PCDHA10: variants seen among roughly 807,000 people sequenced by gnomAD.
The protein encoded by PCDHA10 is protocadherin alpha 10, also known as protocadherin alpha-10.
Under a neutral mutation model 61.2 loss-of-function variants are expected in PCDHA10, and 45 were observed. That is an observed-to-expected ratio of 0.74 (90% CI 0.58 to 0.94). The LOEUF (loss-of-function observed/expected upper bound fraction) is 0.94. Among genes scored for constraint, PCDHA10 ranks in the 40% least tolerant of loss-of-function variants. PCDHA10 has a pLI of 0.00. For synonymous variants in PCDHA10, 602 were observed against 548.8 expected, an observed-to-expected ratio of 1.10 and a Z score of -1.35; for missense variants, 1,278 against 1,236.2, an observed-to-expected ratio of 1.03 and a Z score of -0.51.
intron 1 of PCDHA10, among the ~76,000 whole-genome samples, chr5:140,961,914 C>T (rs192184): frequency 0.56 from 84,843 of 150,390 alleles, 24,472 homozygotes; most frequent in African/African-American, 0.69. Context: ...GATGGAGTCT[C>T]GCTCTGTTGC....
chr5:140,863,075 CG>C (rs2047768391), intron 1 of PCDHA10: 1 of 569,530 alleles, frequency 1.8e-6, no homozygotes, highest in South Asian at 1.4e-5. Context: ...GGGCTCTGCA[CG>C]GGCGAGATCA....
intron 1 of PCDHA10, chr5:140,868,045 A>G (rs1452350688): frequency 3.3e-5 from 5 of 152,130 alleles, no homozygotes; most frequent in African/African-American, 1.2e-4. Flanking sequence ...GGAAATACCA[A>G]TATGGCACAA....
intron 1 of PCDHA10, among the ~76,000 whole-genome samples, chr5:140,891,452 T>C (rs1554184844): frequency 6.7e-6 from 1 of 150,254 alleles, no homozygotes; most frequent in African/African-American, 2.4e-5. Flanking sequence ...ATAGGATTTT[T>C]GAATTTGTGA....
chr5:140,860,904 A>ATT (rs369143047), intron 1 of PCDHA10: 1 of 152,182 alleles, frequency 6.6e-6, no homozygotes, highest in African/African-American at 2.4e-5. Context: ...CGCCAGGCTA[A>ATT]TTTTTTGTAT....
intron 1 of PCDHA10, among the ~76,000 whole-genome samples, chr5:140,912,788 A>G (rs1467959281): frequency 6.6e-6 from 1 of 152,104 alleles, no homozygotes; most frequent in East Asian, 1.9e-4. Context: ...CTTCTATGCC[A>G]ATTTTCTTGA....
At position 140,946,631 on chromosome 5, in the gene PCDHA10, T is replaced by C. The variant is rs75895301; in HGVS notation, c.2389-32318T>C. Among the ~76,000 whole-genome samples, 565 of 131,680 alleles carry C rather than the reference T, an allele frequency of 4.3e-3. 19 individuals are homozygous for C. Among genetic ancestry groups the C allele is most frequent in the Middle Eastern group, 0.019 (5 of 266 alleles). 86.4% of individuals were successfully genotyped at this position (131,680 alleles called of 152,430 possible). A position where few individuals can be genotyped will look rare whatever the true frequency, so the allele number is the denominator to read the frequency against. On this transcript the variant is annotated intron_variant, in intron 1 of 3. Coordinates refer to ENST00000307360, the MANE Select transcript of PCDHA10 (RefSeq NM_018901.4). ...TGTGAAATATATATATATATATATA[T>C]ACAATGGAATACTCATCAGCCATTA... is the stretch of plus-strand genomic sequence containing the variant.
At chr5:140,901,297 T>C (rs1224181769) in intron 1 of PCDHA10, among the ~76,000 whole-genome samples, 1 of 152,234 alleles carries the variant, frequency 6.6e-6, no homozygotes, top group Non-Finnish European at 1.5e-5. Context: ...CAGACTGATG[T>C]TCCGGAGAGT....
At chr5:140,991,808 G>A (rs367660702) in intron 3 of PCDHA10, among the ~76,000 whole-genome samples, 4 of 152,074 alleles carry the variant, frequency 2.6e-5, no homozygotes, top group East Asian at 1.9e-4. Flanking sequence ...GGCCACTTCC[G>A]CATTTTTAGG....
intron 1 of PCDHA10, among the ~76,000 whole-genome samples, chr5:140,881,751 A>C (rs974973794): frequency 2.0e-5 from 3 of 152,206 alleles, no homozygotes; most frequent in African/African-American, 7.2e-5. Context: ...GGACAGTACC[A>C]CAAAAACCTA....
At chr5:140,868,379 T>A (rs1554161939) in intron 1 of PCDHA10, 7 of 152,204 alleles carry the variant, frequency 4.6e-5, no homozygotes, top group African/African-American at 2.4e-5. Flanking sequence ...CAGTAAAGAA[T>A]GAGAACTATA....
chr5:140,993,380 C>G (rs1304300325), intron 3 of PCDHA10, among the ~76,000 whole-genome samples: 1 of 151,860 alleles, frequency 6.6e-6, no homozygotes, highest in Non-Finnish European at 1.5e-5. Context: ...CCAGCCGGGT[C>G]CCTGAAACTC....
intron 1 of PCDHA10, among the ~76,000 whole-genome samples, chr5:140,878,501 C>T (rs186968165): frequency 5.9e-5 from 9 of 152,226 alleles, no homozygotes; most frequent in Admixed American, 2.0e-4. Flanking sequence ...ACCATCTGTA[C>T]GATACAGTAC....
At chr5:140,979,494 A>C (rs1284874558) in intron 2 of PCDHA10, among the ~76,000 whole-genome samples, 6 of 152,010 alleles carry the variant, frequency 3.9e-5, no homozygotes, top group African/African-American at 1.2e-4. Flanking sequence ...CACCTATTAG[A>C]GCCTCCTCAT....
Position 140,855,908 on chromosome 5 carries a change from C to T in PCDHA10, c.-141C>T. Reference sequence around the variant, plus strand: ...AGAACAAAGGCATCAGCCAGTTTCTCAAGGACTAGGAAGTAGCGTCATTCT... The same window carrying T: ...AGAACAAAGGCATCAGCCAGTTTCTTAAGGACTAGGAAGTAGCGTCATTCT... On this transcript the variant is annotated 5_prime_UTR_variant, in exon 1 of 4. Coordinates refer to ENST00000307360, the MANE Select transcript of PCDHA10 (RefSeq NM_018901.4). 8.7e-7 allele frequency: 1 copy of T among 1,151,190 alleles called. No individual in the cohort carries two copies. Among genetic ancestry groups the T allele is most frequent in the Non-Finnish European group, 1.2e-6 (1 of 819,648 alleles). 71.3% of individuals were successfully genotyped at this position (1,151,190 alleles called of 1,614,324 possible).
intron 1 of PCDHA10, among the ~76,000 whole-genome samples, chr5:140,925,671 A>AATAATAATAATG (rs1445697337): frequency 4.7e-4 from 69 of 148,180 alleles, no homozygotes; most frequent in African/African-American, 1.7e-3. Flanking sequence ...TAATAATAAT[A>AATAATAATAATG]ATAATAAAGC....
intron 1 of PCDHA10, chr5:140,859,217 C>T (rs1409192343): frequency 6.7e-6 from 1 of 149,754 alleles, no homozygotes; most frequent in South Asian, 2.1e-4. Context: ...AGCTCTTTCA[C>T]TTTAAGGAAG....
intron 1 of PCDHA10, among the ~76,000 whole-genome samples, chr5:140,941,250 T>TCCTTCCTTC (rs1441496906): frequency 7.2e-6 from 1 of 139,474 alleles, no homozygotes; most frequent in East Asian, 2.1e-4. Context: ...TTTCTTTCTT[T>TCCTTCCTTC]CTTTCTCTTT....
chr5:140,869,224 C>T, intron 1 of PCDHA10: 1 of 1,613,836 alleles, frequency 6.2e-7, no homozygotes, highest in South Asian at 1.1e-5. Context: ...GGAGGCCAAA[C>T]ACGGCACCTT....
intron 3 of PCDHA10, among the ~76,000 whole-genome samples, chr5:141,002,749 A>G (rs2098093412): frequency 1.3e-5 from 2 of 152,202 alleles, no homozygotes; most frequent in South Asian, 4.1e-4. Flanking sequence ...TACATCGACA[A>G]CCCTGTGATG....
Sources: gnomAD v4.1 joint callset for allele counts (sites outside exome capture counted in the v4.1 genomes callset) on GRCh38, gnomAD v4.1.1 for gene constraint, MANE v1.5 for transcripts, NCBI Gene and HGNC (gene_info 2026-07-23, HGNC 2026-07-21) for gene names.